Variants in MYO16 observed in about 807,000 individuals in gnomAD.
MYO16 encodes myosin XVI.
Under a neutral mutation model 205.3 loss-of-function variants are expected in MYO16, and 94 were observed. That is an observed-to-expected ratio of 0.46 (90% CI 0.39 to 0.54). MYO16 has a LOEUF of 0.54. MYO16 is among the 20% of genes least tolerant of loss of function. The probability of loss-of-function intolerance (pLI) is 0.00; values close to 1 mark genes in which losing one functional copy is unlikely to be tolerated. For missense variants in MYO16, 2,315 were observed against 2,387.5 expected (o/e 0.97, Z 0.63); for synonymous variants, 988 against 954.0 (o/e 1.04, Z -0.66).
chr13:109,045,898 C>T (rs1443040918), intron 23 of MYO16, among the ~76,000 whole-genome samples: 2 of 152,194 alleles, frequency 1.3e-5, no homozygotes, highest in Non-Finnish European at 2.9e-5. Context: ...GCCATCCATA[C>T]TACCTCATGG....
In MYO16 at chr13:108,816,556, C is replaced by T. The variant is rs192799999; in HGVS notation, c.868-3781C>T. ...CTTGCTGTGCAACCGCAAGGTCACACGATCCATAAGCATGAGTTGCAAGAT... is the reference window on the plus strand; with the variant it reads ...CTTGCTGTGCAACCGCAAGGTCACATGATCCATAAGCATGAGTTGCAAGAT... On this transcript the variant is annotated intron_variant, in intron 7 of 34. Coordinates refer to ENST00000457511, the MANE Select transcript of MYO16 (RefSeq NM_001198950.3). 3.9e-5 allele frequency among the ~76,000 whole-genome samples: 6 copies of T among 152,296 alleles called. No homozygotes were observed. In the South Asian group the frequency reaches 8.3e-4, roughly 21 times the overall value.
chr13:108,674,840 T>A (rs1882133884), intron 2 of MYO16, among the ~76,000 whole-genome samples: 1 of 152,190 alleles, frequency 6.6e-6, no homozygotes, highest in Non-Finnish European at 1.5e-5. Flanking sequence ...TATTAGATAC[T>A]TCGGATTGTA....
chr13:108,523,887 G>T, the MYO16 span, among the ~76,000 whole-genome samples: 1 of 152,230 alleles, frequency 6.6e-6, no homozygotes, highest in Non-Finnish European at 1.5e-5. Flanking sequence ...TAGAGGTGAG[G>T]CCTGTTGGGA....
chr13:109,065,140 T>C (rs1887704649), intron 27 of MYO16, among the ~76,000 whole-genome samples: 1 of 152,212 alleles, frequency 6.6e-6, no homozygotes, highest in African/African-American at 2.4e-5. Context: ...TCTGGCAGAA[T>C]AGCCCAGACT....
chr13:109,127,582 T>A lies in MYO16; in HGVS notation c.4051+32T>A. 6.3e-7 allele frequency: 1 copy of A among 1,598,690 alleles called. No individual in the cohort carries two copies. The highest frequency in any genetic ancestry group is 1.3e-5 in the African/African-American group (1 of 74,924). On this transcript the variant is annotated intron_variant, in intron 31 of 34. Coordinates refer to ENST00000457511, the MANE Select transcript of MYO16 (RefSeq NM_001198950.3). This position sits in a 1 kb window ranked among gnomAD's most constrained non-coding sequence, Gnocchi z 4.2. ...CCTGGGGAGGGACCCAGCCTCGTGT[T>A]CCGGGCTCGCGCATGCTCTGACTTC...
rs1377118875 is a variant in MYO16 at position 108,778,391 on chromosome 13, A to G, written c.508-7244A>G. ...CCCAACACTTTGGGAGGCCAAGGCAAGTGGATCACTTGAGGTCAGGAGTTC... is the reference window on the plus strand; with the variant it reads ...CCCAACACTTTGGGAGGCCAAGGCAGGTGGATCACTTGAGGTCAGGAGTTC... On this transcript the variant is annotated intron_variant, in intron 4 of 34. Transcript: ENST00000457511. 2.6e-5 allele frequency among the ~76,000 whole-genome samples: 4 copies of G among 152,272 alleles called. No individual in the cohort carries two copies. The East Asian group carries it at 7.8e-4, about 30-fold the overall frequency.
In MYO16 at chr13:108,935,825, T is replaced by C. The variant is rs575173653; in HGVS notation, c.1926-21863T>C. Among the ~76,000 whole-genome samples the C allele has an allele frequency of 5.3e-5, 8 of 151,876 alleles. No homozygotes were observed. The South Asian group carries it at 1.7e-3, about 32-fold the overall frequency. Reference sequence around the variant, plus strand: ...GATGCCTAGTTTCTTGAGGGTTTTTTTTTTTATCATGAAGGGATGTTGGAT... The same window carrying C: ...GATGCCTAGTTTCTTGAGGGTTTTTCTTTTTATCATGAAGGGATGTTGGAT... On this transcript the variant is annotated intron_variant, in intron 16 of 34. Coordinates refer to ENST00000457511, the MANE Select transcript of MYO16 (RefSeq NM_001198950.3).
chr13:108,940,156 C>T (rs1314010138), intron 16 of MYO16, among the ~76,000 whole-genome samples: 1 of 152,080 alleles, frequency 6.6e-6, no homozygotes, highest in Non-Finnish European at 1.5e-5. Context: ...ACACCCTAAA[C>T]ACAAAGAACA....
intron 31 of MYO16, among the ~76,000 whole-genome samples, chr13:109,133,448 G>A (rs959103895): frequency 6.6e-6 from 1 of 152,224 alleles, no homozygotes; most frequent in Admixed American, 6.5e-5. Flanking sequence ...CACAGAAGAT[G>A]ACTTAAAAGT....
chr13:109,154,203 CT>C (rs1877857481), intron 32 of MYO16, among the ~76,000 whole-genome samples: 1 of 152,232 alleles, frequency 6.6e-6, no homozygotes, highest in African/African-American at 2.4e-5. Flanking sequence ...TATGCTTCAG[CT>C]GGTGTCCACA....
At chr13:108,809,038 G>A (rs765295674) in intron 7 of MYO16, among the ~76,000 whole-genome samples, 1 of 152,140 alleles carries the variant, frequency 6.6e-6, no homozygotes, top group Non-Finnish European at 1.5e-5. Flanking sequence ...TTTAAAATCT[G>A]TTCTTTCAAA....
intron 4 of MYO16, among the ~76,000 whole-genome samples, chr13:108,761,275 G>T (rs929279944): frequency 3.3e-5 from 5 of 152,204 alleles, no homozygotes; most frequent in African/African-American, 7.2e-5. Context: ...ATACAGAGAT[G>T]CGGCAGTGCT....
chr13:109,203,373 C>A lies in MYO16; in HGVS notation c.5416-3236C>A, dbSNP rs114255825. ...CAAGAAAAAAGCCAAACAATCTTAT[C>A]ACTTTCATTTTCGAGGGGTATTTTT... On this transcript the variant is annotated intron_variant, in intron 34 of 34. Transcript: ENST00000457511. 3.1e-3 allele frequency among the ~76,000 whole-genome samples: 470 copies of A among 151,828 alleles called. 3 individuals carry two copies. Among genetic ancestry groups the A allele is most frequent in the African/African-American group, 0.011 (447 of 41,454 alleles).
intron 29 of MYO16, among the ~76,000 whole-genome samples, chr13:109,123,884 C>G (rs1594104989): frequency 6.6e-6 from 1 of 152,172 alleles, no homozygotes. Context: ...TTATAGGCTT[C>G]CTCCTTTCCC....
At chr13:109,137,472 T>C (rs1876833803) in intron 31 of MYO16, among the ~76,000 whole-genome samples, 1 of 152,238 alleles carries the variant, frequency 6.6e-6, no homozygotes, top group Non-Finnish European at 1.5e-5. Flanking sequence ...TGTTAAAAAT[T>C]GGGTTGCTTC....
intron 3 of MYO16, among the ~76,000 whole-genome samples, chr13:108,722,043 C>T (rs577152443): frequency 1.1e-4 from 17 of 152,108 alleles, no homozygotes; most frequent in African/African-American, 2.2e-4. Context: ...ATCTTGAAAT[C>T]GTCAATAATT....
intron 23 of MYO16, among the ~76,000 whole-genome samples, chr13:109,043,269 G>A (rs976572765): frequency 6.6e-6 from 1 of 152,114 alleles, no homozygotes; most frequent in African/African-American, 2.4e-5. Flanking sequence ...CGTAGTCATC[G>A]CCCTGAAGAC....
chr13:108,653,053 T>C (rs1181926751), intron 1 of MYO16, among the ~76,000 whole-genome samples: 1 of 152,212 alleles, frequency 6.6e-6, no homozygotes, highest in East Asian at 1.9e-4. Flanking sequence ...ATGCTTTGTA[T>C]TTTCTGTTTC....
chr13:108,711,223 A>G (rs1197379186), intron 2 of MYO16, among the ~76,000 whole-genome samples: 1 of 152,246 alleles, frequency 6.6e-6, no homozygotes, highest in African/African-American at 2.4e-5. Context: ...AAGATAACCC[A>G]GTTGGCAAAT....
Sources: gnomAD v4.1 joint callset for allele counts (sites outside exome capture counted in the v4.1 genomes callset) on GRCh38, gnomAD v4.1.1 for gene constraint, Gnocchi (gnomAD v3.1) non-coding constraint, MANE v1.5 for transcripts, NCBI Gene and HGNC (gene_info 2026-07-23, HGNC 2026-07-21) for gene names.